Variants in TRPC1 observed in about 807,000 individuals in gnomAD.
TRPC1 encodes the protein transient receptor potential cation channel subfamily C member 1.
A neutral mutation model predicts 88.2 loss-of-function variants in TRPC1; 42 were observed. The observed-to-expected ratio is 0.48, with a 90% CI of 0.37 to 0.62. The LOEUF is 0.62. TRPC1 is among the 20% of genes least tolerant of loss of function. The probability of loss-of-function intolerance (pLI) is 0.00; values close to 1 mark genes in which losing one functional copy is unlikely to be tolerated. For missense variants in TRPC1, 699 were observed against 957.3 expected (o/e 0.73, Z 3.56); for synonymous variants, 288 against 331.8 (o/e 0.87, Z 1.43).
chr3:142,725,185 TTTG>T (rs775446601), intron 1 of TRPC1, among the ~76,000 whole-genome samples: 15 of 152,238 alleles, frequency 9.9e-5, no homozygotes, highest in Non-Finnish European at 2.1e-4. Flanking sequence ...TCACCTGGTT[TTTG>T]TTTTTCTTAA....
intron 9 of TRPC1, chr3:142,801,078 A>G (rs1936605352): frequency 6.6e-6 from 1 of 152,206 alleles, no homozygotes; most frequent in Non-Finnish European, 1.5e-5. Flanking sequence ...CTTTAACAAA[A>G]TAGAAATGGG....
intron 10 of TRPC1, among the ~76,000 whole-genome samples, 190 bp downstream of exon 10, chr3:142,802,534 G>C (rs910711529): frequency 6.6e-6 from 1 of 152,040 alleles, no homozygotes; most frequent in Non-Finnish European, 1.5e-5. Flanking sequence ...ATCTTAAATA[G>C]TGGGTCCAAG....
intron 3 of TRPC1, among the ~76,000 whole-genome samples, chr3:142,743,846 A>C (rs1426622902): frequency 6.6e-6 from 1 of 152,132 alleles, no homozygotes; most frequent in African/African-American, 2.4e-5. Context: ...TCTGCAGGTA[A>C]TGTTGAAAAT....
intron 5 of TRPC1, 24 bp from the exon 6 acceptor site, chr3:142,780,810 A>T (rs968221673): frequency 6.4e-7 from 1 of 1,563,680 alleles, no homozygotes; most frequent in African/African-American, 1.4e-5. Flanking sequence ...GACGTTTCTG[A>T]TAATAGAATG....
At chr3:142,799,320 A>G (rs1440941348) in intron 9 of TRPC1, among the ~76,000 whole-genome samples, 1 of 152,158 alleles carries the variant, frequency 6.6e-6, no homozygotes, top group Non-Finnish European at 1.5e-5. Context: ...TAAAAAGTAA[A>G]TGTTTGAGAA....
At chr3:142,768,963 TATAG>T (rs753142147) in intron 4 of TRPC1, among the ~76,000 whole-genome samples, 47 of 152,260 alleles carry the variant, frequency 3.1e-4, no homozygotes, top group Non-Finnish European at 5.1e-4. Flanking sequence ...AATATTCATA[TATAG>T]TCTTTTATAT....
At chr3:142,783,022 C>A (rs1186654941) in intron 6 of TRPC1, among the ~76,000 whole-genome samples, 1 of 152,232 alleles carries the variant, frequency 6.6e-6, no homozygotes, top group Non-Finnish European at 1.5e-5. Context: ...CTAGTTAAAT[C>A]AATCACAAGC....
intron 9 of TRPC1, among the ~76,000 whole-genome samples, chr3:142,794,962 T>G (rs1249947403): frequency 6.6e-6 from 1 of 152,118 alleles, no homozygotes; most frequent in Non-Finnish European, 1.5e-5. Context: ...TTATTATTAT[T>G]GTGTTCCATA....
At chr3:142,735,998 T>A (rs1322717663) in intron 1 of TRPC1, among the ~76,000 whole-genome samples, 1 of 152,154 alleles carries the variant, frequency 6.6e-6, no homozygotes, top group Non-Finnish European at 1.5e-5. Context: ...GGTATAAAAC[T>A]TAATTCTTTA....
chr3:142,747,090 T>C (rs895708122), intron 3 of TRPC1, among the ~76,000 whole-genome samples: 5 of 152,200 alleles, frequency 3.3e-5, no homozygotes, highest in Admixed American at 3.3e-4. Flanking sequence ...TCCTGCTTTA[T>C]GGATTATTAA....
intron 4 of TRPC1, among the ~76,000 whole-genome samples, chr3:142,768,265 A>C (rs1385817376): frequency 1.3e-5 from 2 of 152,036 alleles, no homozygotes; most frequent in Non-Finnish European, 2.9e-5. Flanking sequence ...AATTTCTGGC[A>C]AGAGAGTATT....
intron 1 of TRPC1, among the ~76,000 whole-genome samples, chr3:142,731,042 T>G (rs1933882880): frequency 6.6e-6 from 1 of 152,210 alleles, no homozygotes; most frequent in African/African-American, 2.4e-5. Flanking sequence ...CCATTGTATT[T>G]CTCAAGGGTT....
Position 142,804,563 on chromosome 3 carries a change from G to A in TRPC1, c.2087G>A (p.Ser696Asn). Residue 696 changes from serine (S) to asparagine (N), a missense_variant, in exon 12 of 13, where the codon AGT becomes AAT. Physicochemically the swap from Ser to Asn is conservative, Grantham distance 46. Coordinates refer to ENST00000476941, the MANE Select transcript of TRPC1 (RefSeq NM_001251845.2). ...PSPKTICYMI[S>N]SLSKWICSHT... ...CCAAAGACTATCTGCTATATGATTA[G>A]TAGCCTCAGTAAGTGGATTTGCTCT... 6.2e-7 allele frequency: 1 copy of A among 1,613,064 alleles called. No individual in the cohort carries two copies. The highest frequency in any genetic ancestry group is 1.1e-5 in the South Asian group (1 of 90,962).
chr3:142,736,734 A>G (rs1262043709), intron 2 of TRPC1, among the ~76,000 whole-genome samples: 2 of 152,118 alleles, frequency 1.3e-5, no homozygotes, highest in East Asian at 3.8e-4. Context: ...ACCAAAAAAA[A>G]CTTTTTGAAA....
chr3:142,767,930 T>C lies in TRPC1; in HGVS notation c.633-9702T>C, dbSNP rs1421604265. 1.3e-5 allele frequency among the ~76,000 whole-genome samples: 2 copies of C among 151,944 alleles called. No individual in the cohort carries two copies. The highest frequency in any genetic ancestry group is 3.8e-4 in the East Asian group (2 of 5,204). Reference sequence around the variant, plus strand: ...GTGTATGTTTTTTTTTTAACTTTTCTGATGGTATCCTTTGAAGAATAAAAG... The same window carrying C: ...GTGTATGTTTTTTTTTTAACTTTTCCGATGGTATCCTTTGAAGAATAAAAG... On this transcript the variant is annotated intron_variant, in intron 4 of 12. Coordinates refer to ENST00000476941, the MANE Select transcript of TRPC1 (RefSeq NM_001251845.2). This position sits in a 1 kb window ranked among gnomAD's most constrained non-coding sequence, Gnocchi z 5.1.
chr3:142,730,543 C>T (rs942866311), intron 1 of TRPC1, among the ~76,000 whole-genome samples: 4 of 149,998 alleles, frequency 2.7e-5, no homozygotes, highest in Non-Finnish European at 4.4e-5. Flanking sequence ...GTCTGTAATA[C>T]GAGTTTTGCA....
At position 142,744,635 on chromosome 3, in the gene TRPC1, ATACT is replaced by A. The variant is rs556072421; in HGVS notation, c.429+1053_429+1056del. Among the ~76,000 whole-genome samples, 31 of 152,302 alleles carry A rather than the reference ATACT, an allele frequency of 2.0e-4. 1 individual carries two copies. The East Asian group carries it at 5.8e-3, about 28-fold the overall frequency. ...AAGTGGAATACTTACTATGGTTAAA[ATACT>A]TACCACGGTTAAAAATATGCGTAGA... On this transcript the variant is annotated intron_variant, in intron 3 of 12. Coordinates refer to ENST00000476941, the MANE Select transcript of TRPC1 (RefSeq NM_001251845.2).
rs1266393155 is a variant in TRPC1 at position 142,767,757 on chromosome 3, C to T, written c.633-9875C>T. On this transcript the variant is annotated intron_variant, in intron 4 of 12. Transcript: ENST00000476941. This position sits in a 1 kb window ranked among gnomAD's most constrained non-coding sequence, Gnocchi z 5.1. ...GGCAACTACTAAATCTACTTTCTGT[C>T]CCTACGGATGTACCTGTTCTGGATA... is the stretch of plus-strand genomic sequence containing the variant. 2.6e-5 allele frequency among the ~76,000 whole-genome samples: 4 copies of T among 151,692 alleles called. No homozygotes were observed. The highest frequency in any genetic ancestry group is 4.4e-5 in the Non-Finnish European group (3 of 67,876).
intron 1 of TRPC1, among the ~76,000 whole-genome samples, chr3:142,732,933 T>C (rs1319026899): frequency 6.6e-6 from 1 of 151,882 alleles, no homozygotes; most frequent in Non-Finnish European, 1.5e-5. Flanking sequence ...TTTTTACATA[T>C]ATACTCATCC....
Sources: allele counts gnomAD v4.1 joint callset (sites outside exome capture counted in the v4.1 genomes callset), GRCh38; gene constraint gnomAD v4.1.1; non-coding constraint Gnocchi (gnomAD v3.1); transcripts MANE v1.5; gene names NCBI Gene and HGNC (gene_info 2026-07-23, HGNC 2026-07-21).